Variants in CPLANE1 observed in about 807,000 individuals in gnomAD.
CPLANE1 encodes the protein ciliogenesis and planar polarity effector 1.
CPLANE1 carries 263 observed loss-of-function variants against 362.5 expected under a neutral mutation model. The ratio of observed to expected loss-of-function variants is 0.73; its 90% CI spans 0.66 to 0.80. The LOEUF (loss-of-function observed/expected upper bound fraction) is 0.80. Ranked by LOEUF, CPLANE1 falls within the 30% of genes least tolerant of loss-of-function variation. The pLI, the probability that CPLANE1 is intolerant of heterozygous loss-of-function variation, is 0.00. For missense variants in CPLANE1, 3,461 were observed against 3,793.4 expected, an observed-to-expected ratio of 0.91 and a Z score of 2.30; for synonymous variants, 1,212 against 1,302.6, an observed-to-expected ratio of 0.93 and a Z score of 1.50.
chr5:37,079,457 A>T, the CPLANE1 span, among the ~76,000 whole-genome samples: 3 of 152,190 alleles, frequency 2.0e-5, no homozygotes, highest in Admixed American at 6.5e-5. Context: ...TTGTTTTTAA[A>T]TTAGTATCAT....
At chr5:37,139,681 G>T in intron 44 of CPLANE1, 1 of 375,094 alleles carries the variant, frequency 2.7e-6, no homozygotes, top group Non-Finnish European at 3.8e-6. Flanking sequence ...CTCCTGAATG[G>T]CTGGGATTAC....
chr5:37,189,028 T>C (rs994730920), intron 21 of CPLANE1, among the ~76,000 whole-genome samples: 1 of 152,082 alleles, frequency 6.6e-6, no homozygotes, highest in African/African-American at 2.4e-5. Context: ...TTTGTATTTT[T>C]AGTAGAGACA....
At chr5:37,123,515 C>T (rs1763247608) in intron 47 of CPLANE1, among the ~76,000 whole-genome samples, 1 of 152,150 alleles carries the variant, frequency 6.6e-6, no homozygotes, top group South Asian at 2.1e-4. Flanking sequence ...ACCACAAAAT[C>T]TATAAACCAA....
At chr5:37,089,487 G>GC in the CPLANE1 span, among the ~76,000 whole-genome samples, 1 of 152,066 alleles carries the variant, frequency 6.6e-6, no homozygotes, top group Non-Finnish European at 1.5e-5. Flanking sequence ...ATTACAGAGG[G>GC]CCCATGAATT....
At chr5:37,133,265 G>C (rs1208525053) in intron 46 of CPLANE1, among the ~76,000 whole-genome samples, 1 of 152,006 alleles carries the variant, frequency 6.6e-6, no homozygotes, top group Non-Finnish European at 1.5e-5. Flanking sequence ...CCCTGTTTTG[G>C]TTCCATATGA....
At position 37,180,978 on chromosome 5, in the gene CPLANE1, G is replaced by C. The variant is rs772099372; in HGVS notation, c.5449C>G (p.Gln1817Glu). The change falls in exon 27 of 53, where the codon CAG becomes GAG. Residue 1817 changes from glutamine (Q) to glutamate (E), a missense_variant. Coordinates refer to ENST00000651892, the MANE Select transcript of CPLANE1 (RefSeq NM_001384732.1). ...TCCCTCTCAATATTGGGTCCAATCT[G>C]ACACCCAGTGTCACGATTCTCTACC... ...KMVENRDTGC[Q>E]IGPNIERESK... is the part of the protein sequence containing the mutation. 1.9e-6 allele frequency: 3 copies of C among 1,613,818 alleles called. No homozygotes were observed. Among genetic ancestry groups the C allele is most frequent in the Non-Finnish European group, 2.5e-6 (3 of 1,179,926 alleles).
At chr5:37,248,082 G>A (rs1233528018) in intron 1 of CPLANE1, among the ~76,000 whole-genome samples, 1 of 151,800 alleles carries the variant, frequency 6.6e-6, no homozygotes, top group Non-Finnish European at 1.5e-5. Context: ...GATCCACTGC[G>A]CATGGACCAC....
chr5:37,183,386 T>C lies in CPLANE1; in HGVS notation c.4795A>G (p.Thr1599Ala). The change falls in exon 26 of 53, where the codon ACA (threonine) becomes GCA (alanine). Residue 1599 changes from threonine to alanine, a missense_variant. Thr to Ala is a moderately conservative substitution (Grantham distance 58). Transcript: ENST00000651892. Reference protein sequence around the residue: ...LNSLLFDVHTTLKRHQSKTKS... With the variant: ...LNSLLFDVHTALKRHQSKTKS... ...GTTTTGCTCTGATGTCGTTTTAATG[T>C]TGTATGTACATCAAAAAGTAAAGAA... 6.2e-7 allele frequency: 1 copy of C among 1,613,238 alleles called. No homozygotes were observed. Among genetic ancestry groups the C allele is most frequent in the Non-Finnish European group, 8.5e-7 (1 of 1,179,738 alleles).
At chr5:37,211,725 T>C (rs1792660923) in intron 16 of CPLANE1, 3 of 779,588 alleles carry the variant, frequency 3.8e-6, no homozygotes, top group South Asian at 1.4e-5. Flanking sequence ...CATCCCTCCC[T>C]TCTCCAGCCC....
chr5:37,177,748 G>A, intron 29 of CPLANE1, 48 bp from the exon 30 acceptor site: 1 of 1,401,952 alleles, frequency 7.1e-7, no homozygotes, highest in Non-Finnish European at 1.0e-6. Flanking sequence ...AAACAAATAG[G>A]TATTACTGTC....
At chr5:37,091,289 A>G in the CPLANE1 span, among the ~76,000 whole-genome samples, 1 of 152,206 alleles carries the variant, frequency 6.6e-6, no homozygotes, top group East Asian at 1.9e-4. Context: ...CACCCTTCCT[A>G]GAGAGTCCAC....
At chr5:37,217,893 T>C (rs1794479023) in intron 15 of CPLANE1, among the ~76,000 whole-genome samples, 1 of 151,778 alleles carries the variant, frequency 6.6e-6, no homozygotes, top group South Asian at 2.1e-4. Context: ...GGCAGGAGAA[T>C]TGCTTGAACC....
chr5:37,092,324 C>T, the CPLANE1 span, among the ~76,000 whole-genome samples: 1 of 152,230 alleles, frequency 6.6e-6, no homozygotes, highest in African/African-American at 2.4e-5. Context: ...TACTGTGTAT[C>T]TGCCCAAACA....
chr5:37,128,072 T>C (rs1764732119), intron 46 of CPLANE1, among the ~76,000 whole-genome samples: 1 of 152,138 alleles, frequency 6.6e-6, no homozygotes, highest in African/African-American at 2.4e-5. Flanking sequence ...AGATATATTA[T>C]GTCCTTCTCA....
At chr5:37,089,794 C>G in the CPLANE1 span, among the ~76,000 whole-genome samples, 5 of 152,226 alleles carry the variant, frequency 3.3e-5, no homozygotes, top group South Asian at 6.2e-4. Flanking sequence ...TAAAGAAAAG[C>G]CAGCTTGTCG....
chr5:37,094,754 A>T, the CPLANE1 span, among the ~76,000 whole-genome samples: 6 of 152,210 alleles, frequency 3.9e-5, no homozygotes, highest in Non-Finnish European at 7.3e-5. Flanking sequence ...AGGAGATATT[A>T]CAACTGATAC....
rs186401573 is a variant in CPLANE1, at chr5:37,206,569, A to T, written c.2921-144T>A. ...TACAAAATGGGCTAAAGTAATACTCAACATGCCCTAGAACACTTTTAACAC... is the reference window on the plus strand; with the variant it reads ...TACAAAATGGGCTAAAGTAATACTCTACATGCCCTAGAACACTTTTAACAC... On this transcript the variant is annotated intron_variant, in intron 16 of 52. Transcript: ENST00000651892. 331 of 611,840 alleles carry T rather than the reference A, an allele frequency of 5.4e-4. 2 individuals are homozygous for T. In the East Asian group the frequency reaches 8.6e-3, roughly 16 times the overall value. 37.9% of individuals were successfully genotyped at this position (611,840 alleles called of 1,614,324 possible).
At chr5:37,153,197 G>A (rs1405017911) in intron 42 of CPLANE1, among the ~76,000 whole-genome samples, 2 of 152,022 alleles carry the variant, frequency 1.3e-5, no homozygotes, top group Non-Finnish European at 2.9e-5. Context: ...TATATCTACA[G>A]AAGAAACTAA....
At chr5:37,094,535 C>T in the CPLANE1 span, among the ~76,000 whole-genome samples, 1 of 151,970 alleles carries the variant, frequency 6.6e-6, no homozygotes, top group Non-Finnish European at 1.5e-5. Context: ...GCTAGAGAAA[C>T]AAGAATAAAA....
Sources: gnomAD v4.1 joint callset for allele counts (sites outside exome capture counted in the v4.1 genomes callset) on GRCh38, gnomAD v4.1.1 for gene constraint, MANE v1.5 for transcripts, NCBI Gene and HGNC (gene_info 2026-07-23, HGNC 2026-07-21) for gene names.